KIF21A: variants seen among roughly 807,000 people sequenced by gnomAD.
The protein encoded by KIF21A is kinesin-like protein KIF21A.
In KIF21A, 114 loss-of-function variants were observed where a neutral mutation model predicts 202.9. That is an observed-to-expected ratio of 0.56 (90% CI 0.48 to 0.66). KIF21A has a LOEUF of 0.66. Among genes scored for constraint, KIF21A ranks in the 30% least tolerant of loss-of-function variants. The pLI is 0.00. For missense variants in KIF21A, 1,677 were observed against 1,994.9 expected (o/e 0.84, Z 3.04); for synonymous variants, 667 against 670.8 (o/e 0.99, Z 0.09).
intron 12 of KIF21A, among the ~76,000 whole-genome samples, chr12:39,342,747 T>C (rs897305907): frequency 7.4e-4 from 112 of 152,248 alleles, no homozygotes; most frequent in African/African-American, 2.6e-3. Flanking sequence ...TACCAAAAAC[T>C]GTCTAATGTT....
At chr12:39,340,864 G>A (rs937996319) in intron 15 of KIF21A, 42 bp downstream of exon 15, 1 of 1,393,302 alleles carries the variant, frequency 7.2e-7, no homozygotes, top group Admixed American at 1.7e-5. Context: ...CCATTTTGAA[G>A]ATTTAGCTTG....
chr12:39,306,276 C>T (rs1353574078), intron 34 of KIF21A, among the ~76,000 whole-genome samples: 1 of 152,174 alleles, frequency 6.6e-6, no homozygotes, highest in Non-Finnish European at 1.5e-5. Context: ...TTAAAAAGTG[C>T]AAAAGATTTT....
At chr12:39,303,470 ATTGTT>A (rs1308243999) in intron 35 of KIF21A, among the ~76,000 whole-genome samples, 1 of 151,826 alleles carries the variant, frequency 6.6e-6, no homozygotes, top group East Asian at 1.9e-4. Context: ...GCTCTTAATT[ATTGTT>A]TTGTTTTGTT....
At chr12:39,344,015 A>G in intron 12 of KIF21A, among the ~76,000 whole-genome samples, 1 of 152,220 alleles carries the variant, frequency 6.6e-6, no homozygotes, top group Admixed American at 6.5e-5. Flanking sequence ...AAGTACAAGT[A>G]GGAGTACCAA....
chr12:39,297,627 C>A (rs1942526330), intron 37 of KIF21A, among the ~76,000 whole-genome samples: 1 of 150,252 alleles, frequency 6.7e-6, no homozygotes, highest in Admixed American at 6.6e-5. Context: ...GGGAGATATA[C>A]CTAATGCTAG....
Position 39,332,382 on chromosome 12 carries a change from T to G in KIF21A, c.2883A>C (p.Arg961=). 1 of 1,614,056 alleles carries G rather than the reference T, an allele frequency of 6.2e-7. No homozygotes were observed. Among genetic ancestry groups the G allele is most frequent in the Admixed American group, 1.7e-5 (1 of 60,006 alleles). ...LKQREELTKR[R]EKLSKRREKI... ...TCTCCCTTCTTTTTGAAAGTTTCTC[T>G]CGTCTTTTTGTGAGTTCCTCCCGTT... The change falls in exon 21 of 38, where the codon CGA becomes CGC. Residue 961 remains arginine, a synonymous_variant. Transcript: ENST00000361418.
rs2138387622 is a variant in KIF21A, at chr12:39,341,098, T to C, written c.1922-4A>G. On this transcript the variant is annotated splice_polypyrimidine_tract_variant and splice_region_variant and intron_variant, in intron 14 of 37. Coordinates refer to ENST00000361418, the MANE Select transcript of KIF21A (RefSeq NM_001173464.2). ...GCCAAGTCTGCTTGATAATTGGCTATTTATAAAAGAAGAAAATAAAAATCC... is the reference window on the plus strand; with the variant it reads ...GCCAAGTCTGCTTGATAATTGGCTACTTATAAAAGAAGAAAATAAAAATCC... 6.3e-7 allele frequency: 1 copy of C among 1,588,028 alleles called. No individual in the cohort carries two copies. The highest frequency in any genetic ancestry group is 1.3e-5 in the African/African-American group (1 of 74,618).
At chr12:39,411,173 C>T (rs1953052137) in intron 1 of KIF21A, among the ~76,000 whole-genome samples, 1 of 152,180 alleles carries the variant, frequency 6.6e-6, no homozygotes. Flanking sequence ...TAGCTCTCAA[C>T]CACCTCTTAT....
At chr12:39,415,315 C>CG (rs1301521693) in intron 1 of KIF21A, among the ~76,000 whole-genome samples, 1 of 141,834 alleles carries the variant, frequency 7.1e-6, no homozygotes, top group Non-Finnish European at 1.5e-5. Flanking sequence ...TCTCGAATCA[C>CG]GGCAAGCTCC....
At chr12:39,411,959 T>C (rs1953123028) in intron 1 of KIF21A, among the ~76,000 whole-genome samples, 3 of 152,000 alleles carry the variant, frequency 2.0e-5, no homozygotes, top group Non-Finnish European at 2.9e-5. Context: ...CTCAGCCTGC[T>C]GAGTAGCTGG....
intron 5 of KIF21A, 46 bp downstream of exon 5, chr12:39,366,984 G>C: frequency 6.5e-7 from 1 of 1,536,104 alleles, no homozygotes; most frequent in Non-Finnish European, 9.0e-7. Context: ...TGTGGTTTTA[G>C]GGAGATAAAA....
chr12:39,408,973 C>T (rs1350430963), intron 1 of KIF21A, among the ~76,000 whole-genome samples: 1 of 151,956 alleles, frequency 6.6e-6, no homozygotes, highest in Non-Finnish European at 1.5e-5. Context: ...GTGCGTGCCA[C>T]CACGCCCAGC....
At chr12:39,355,567 G>A (rs1035510967) in intron 10 of KIF21A, among the ~76,000 whole-genome samples, 1 of 151,644 alleles carries the variant, frequency 6.6e-6, no homozygotes. Flanking sequence ...GGAAAGACTG[G>A]TCAAAGAACA....
At chr12:39,413,798 G>A (rs373205445) in intron 1 of KIF21A, among the ~76,000 whole-genome samples, 2 of 151,952 alleles carry the variant, frequency 1.3e-5, no homozygotes, top group Non-Finnish European at 2.9e-5. Flanking sequence ...AAATAAAAAT[G>A]TATTCAGGTA....
chr12:39,409,704 T>C (rs771018076), intron 1 of KIF21A, among the ~76,000 whole-genome samples: 1 of 152,130 alleles, frequency 6.6e-6, no homozygotes, highest in Non-Finnish European at 1.5e-5. Flanking sequence ...TTTGCAGATA[T>C]GACTACATTA....
intron 1 of KIF21A, among the ~76,000 whole-genome samples, chr12:39,392,186 A>G (rs886639876): frequency 2.6e-4 from 40 of 152,250 alleles, no homozygotes; most frequent in African/African-American, 8.9e-4. Context: ...AGAGAGCAAC[A>G]TTAGTTAGAG....
At chr12:39,365,429 T>C (rs1489447021) in intron 6 of KIF21A, among the ~76,000 whole-genome samples, 1 of 152,222 alleles carries the variant, frequency 6.6e-6, no homozygotes, top group East Asian at 1.9e-4. Flanking sequence ...AAATATCCAG[T>C]TTTGTAATGA....
At chr12:39,425,023 G>A (rs759238355) in intron 1 of KIF21A, among the ~76,000 whole-genome samples, 1 of 151,820 alleles carries the variant, frequency 6.6e-6, no homozygotes, top group Non-Finnish European at 1.5e-5. Context: ...TTCTATATCT[G>A]GCTATACTGT....
intron 1 of KIF21A, among the ~76,000 whole-genome samples, chr12:39,394,403 A>C (rs191472255): frequency 1.4e-3 from 212 of 152,370 alleles, no homozygotes; most frequent in Middle Eastern, 3.4e-3. Flanking sequence ...AATTAGACAT[A>C]AATAAAACAT....
Sources: gnomAD v4.1 joint callset for allele counts (sites outside exome capture counted in the v4.1 genomes callset) on GRCh38, gnomAD v4.1.1 for gene constraint, MANE v1.5 for transcripts, NCBI Gene and HGNC (gene_info 2026-07-23, HGNC 2026-07-21) for gene names.